The following GALNTL6 variants were observed in gnomAD, a reference collection of about 807,000 sequenced individuals.
GALNTL6 encodes polypeptide N-acetylgalactosaminyltransferase-like 6.
GALNTL6 carries 46 observed loss-of-function variants against 73.7 expected under a neutral mutation model. The observed-to-expected ratio is 0.62, with a 90% confidence interval of 0.49 to 0.80. The LOEUF (loss-of-function observed/expected upper bound fraction) is 0.80, where lower values mean the gene tolerates loss of function less well. GALNTL6 is among the 30% of genes least tolerant of loss of function. The pLI, the probability that GALNTL6 is intolerant of heterozygous loss-of-function variation, is 0.00. For missense variants in GALNTL6, 604 were observed against 755.0 expected (o/e 0.80, Z 2.34); for synonymous variants, 259 against 263.7 (o/e 0.98, Z 0.17).
At chr4:171,832,534 A>G (rs1274640793) in intron 2 of GALNTL6, among the ~76,000 whole-genome samples, 2 of 151,622 alleles carry the variant, frequency 1.3e-5, no homozygotes, top group African/African-American at 4.8e-5. Flanking sequence ...ATCTACTTAT[A>G]TAATTTGTTC....
chr4:172,490,582 A>G (rs545351655), intron 5 of GALNTL6, among the ~76,000 whole-genome samples: 2 of 152,294 alleles, frequency 1.3e-5, no homozygotes, highest in South Asian at 2.1e-4. Context: ...ATGCTACTCT[A>G]TCTCACTTCT....
intron 10 of GALNTL6, among the ~76,000 whole-genome samples, chr4:172,984,227 G>T (rs547433637): frequency 7.2e-5 from 11 of 152,322 alleles, no homozygotes; most frequent in South Asian, 6.2e-4. Flanking sequence ...TAAGGAAAGA[G>T]CTTTAATGGA....
chr4:171,953,038 A>G (rs1301339055), intron 2 of GALNTL6, among the ~76,000 whole-genome samples: 15 of 152,188 alleles, frequency 9.9e-5, no homozygotes, highest in Admixed American at 9.8e-4. Context: ...ATTAAACACA[A>G]GATAACTAGG....
intron 2 of GALNTL6, among the ~76,000 whole-genome samples, chr4:172,228,450 C>T (rs182806855): frequency 1.3e-5 from 2 of 151,882 alleles, no homozygotes; most frequent in East Asian, 3.9e-4. Flanking sequence ...AATATTATGC[C>T]CCATTTTTAT....
chr4:172,249,224 G>A (rs969719581), intron 3 of GALNTL6, among the ~76,000 whole-genome samples: 16 of 152,290 alleles, frequency 1.1e-4, no homozygotes, highest in African/African-American at 3.8e-4. Context: ...GTCAGGAACT[G>A]GAGTAAGGTC....
chr4:172,946,609 G>A (rs1480021518), intron 9 of GALNTL6, among the ~76,000 whole-genome samples: 2 of 152,166 alleles, frequency 1.3e-5, no homozygotes, highest in Admixed American at 1.3e-4. Context: ...AAGATTTAGT[G>A]TTGGATAGCA....
intron 5 of GALNTL6, among the ~76,000 whole-genome samples, chr4:172,399,181 T>C (rs1051056536): frequency 1.6e-4 from 25 of 152,258 alleles, no homozygotes; most frequent in African/African-American, 5.8e-4. Flanking sequence ...TCATCATACA[T>C]TAAATAAAGC....
Position 172,348,374 on chromosome 4 carries a change from A to T in GALNTL6, c.387-149A>T, listed in dbSNP as rs74798994. 699 of 557,542 alleles carry T rather than the reference A, an allele frequency of 1.3e-3. 4 individuals carry two copies. The highest frequency in any genetic ancestry group is 0.012 in the African/African-American group (608 of 52,194). The allele number at this position is 557,542 out of a possible 1,614,324, so 34.5% of individuals were successfully genotyped here. On this transcript the variant is annotated intron_variant, in intron 4 of 12. Coordinates refer to ENST00000506823, the MANE Select transcript of GALNTL6 (RefSeq NM_001034845.3). ...TTAATGCATTCCGTGAAGGAGCAGGATAACAATCATGCTGTACAAACTCTG... is the reference window on the plus strand; with the variant it reads ...TTAATGCATTCCGTGAAGGAGCAGGTTAACAATCATGCTGTACAAACTCTG...
At chr4:172,854,633 C>G (rs1401815760) in intron 7 of GALNTL6, among the ~76,000 whole-genome samples, 1 of 152,134 alleles carries the variant, frequency 6.6e-6, no homozygotes, top group East Asian at 1.9e-4. Context: ...TGTCTTTCCC[C>G]ATTCTATATC....
chr4:171,925,676 C>A (rs1489126784), intron 2 of GALNTL6, among the ~76,000 whole-genome samples: 1 of 152,070 alleles, frequency 6.6e-6, no homozygotes, highest in East Asian at 1.9e-4. Context: ...GGGAAAATCC[C>A]TTTTCTAGCA....
intron 2 of GALNTL6, among the ~76,000 whole-genome samples, chr4:171,834,792 A>G (rs1295891476): frequency 6.6e-6 from 1 of 151,996 alleles, no homozygotes; most frequent in Non-Finnish European, 1.5e-5. Context: ...TAAGTCAGAC[A>G]TGCTTAGATA....
intron 5 of GALNTL6, among the ~76,000 whole-genome samples, chr4:172,613,800 A>G (rs1738619225): frequency 6.6e-6 from 1 of 152,034 alleles, no homozygotes; most frequent in Non-Finnish European, 1.5e-5. Flanking sequence ...TCTGCTATTT[A>G]CTTTGAATAG....
intron 5 of GALNTL6, among the ~76,000 whole-genome samples, chr4:172,721,585 G>T (rs1735476152): frequency 6.6e-6 from 1 of 152,116 alleles, no homozygotes; most frequent in Admixed American, 6.5e-5. Context: ...CAATAGAGTT[G>T]GTTACAGCTA....
At chr4:172,551,784 A>G (rs1735962875) in intron 5 of GALNTL6, among the ~76,000 whole-genome samples, 1 of 152,256 alleles carries the variant, frequency 6.6e-6, no homozygotes, top group Middle Eastern at 3.4e-3. Flanking sequence ...TAAAACGCCT[A>G]CAGAACTGAG....
chr4:172,961,657 G>C (rs979999841), intron 10 of GALNTL6, among the ~76,000 whole-genome samples: 1 of 152,184 alleles, frequency 6.6e-6, no homozygotes, highest in Non-Finnish European at 1.5e-5. Context: ...ATTAAGAGAA[G>C]GGAGAGATTG....
At chr4:172,807,966 G>A (rs1302886672) in intron 5 of GALNTL6, among the ~76,000 whole-genome samples, 1 of 152,086 alleles carries the variant, frequency 6.6e-6, no homozygotes, top group Non-Finnish European at 1.5e-5. Flanking sequence ...GGGATTACAG[G>A]CACCTGCCAC....
At chr4:171,894,625 G>A (rs1736856452) in intron 2 of GALNTL6, among the ~76,000 whole-genome samples, 1 of 152,190 alleles carries the variant, frequency 6.6e-6, no homozygotes, top group African/African-American at 2.4e-5. Flanking sequence ...GCCTCCCAAA[G>A]TGCTGGGATT....
intron 5 of GALNTL6, among the ~76,000 whole-genome samples, chr4:172,444,391 A>C (rs28753978): frequency 0.022 from 3,335 of 152,224 alleles, 108 homozygotes; most frequent in African/African-American, 0.075. Flanking sequence ...ATCAATAATT[A>C]TCTAAGGTAG....
chr4:172,830,172 T>A lies in GALNTL6; in HGVS notation c.923+16449T>A, dbSNP rs534188301. ...AGATAAAGAGAATTTTTCCTAAAGA[T>A]GCTCTTTTGTTTTATACTTTTGACA... On this transcript the variant is annotated intron_variant, in intron 7 of 12. Coordinates refer to ENST00000506823, the MANE Select transcript of GALNTL6 (RefSeq NM_001034845.3). Among the ~76,000 whole-genome samples, 2 of 152,350 alleles carry A rather than the reference T, an allele frequency of 1.3e-5. 1 individual carries two copies. Among genetic ancestry groups the A allele is most frequent in the South Asian group, 4.1e-4 (2 of 4,830 alleles).
Sources: gnomAD v4.1 joint callset for allele counts (sites outside exome capture counted in the v4.1 genomes callset) on GRCh38, gnomAD v4.1.1 for gene constraint, MANE v1.5 for transcripts, NCBI Gene and HGNC (gene_info 2026-07-23, HGNC 2026-07-21) for gene names.